The following KLHL1 variants were observed in gnomAD, a reference collection of about 807,000 sequenced individuals.
The protein encoded by KLHL1 is kelch like family member 1, also known as kelch-like protein 1.
In KLHL1, 47 loss-of-function variants were observed where a neutral mutation model predicts 77.7. The ratio of observed to expected loss-of-function variants is 0.60; its 90% confidence interval spans 0.48 to 0.77. KLHL1 has a LOEUF of 0.77. Ranked by LOEUF, KLHL1 falls within the 30% of genes least tolerant of loss-of-function variation. KLHL1 has a pLI of 0.00. For synonymous variants in KLHL1, 360 were observed against 325.2 expected, an observed-to-expected ratio of 1.11 and a Z score of -1.15; for missense variants, 925 against 910.8, an observed-to-expected ratio of 1.02 and a Z score of -0.20.
intron 1 of KLHL1, among the ~76,000 whole-genome samples, chr13:70,086,583 AAAAAAAAAAAGAAAGAAAG>A: frequency 1.3e-5 from 1 of 74,524 alleles, no homozygotes; most frequent in Middle Eastern, 4.9e-3. Flanking sequence ...AAAAAAAAAA[AAAAAAAAAAAGAAAGAAAG>A]AAAGAAAGAA....
intron 7 of KLHL1, among the ~76,000 whole-genome samples, chr13:69,789,043 CTATCTATCTATCTATCTAT>C (rs1445945545): frequency 4.2e-5 from 3 of 71,042 alleles, no homozygotes; most frequent in African/African-American, 1.7e-4. Context: ...ATCTATCTAT[CTATCTATCTATCTATCTAT>C]CTACTTATTT....
intron 1 of KLHL1, among the ~76,000 whole-genome samples, chr13:70,039,383 C>T (rs548963718): frequency 6.6e-6 from 1 of 152,054 alleles, no homozygotes; most frequent in East Asian, 1.9e-4. Context: ...CAGACCTGGC[C>T]TCTTTTATCA....
chr13:69,828,380 T>C (rs896804816), intron 6 of KLHL1, among the ~76,000 whole-genome samples: 1 of 150,208 alleles, frequency 6.7e-6, no homozygotes, highest in South Asian at 2.1e-4. Context: ...ATGAGCCCTG[T>C]AGGCACTCTC....
At chr13:70,007,391 C>T (rs902045171) in intron 1 of KLHL1, among the ~76,000 whole-genome samples, 6 of 151,378 alleles carry the variant, frequency 4.0e-5, no homozygotes, top group African/African-American at 1.5e-4. Context: ...TATTGATACA[C>T]ATTATTATGT....
rs76765980 is a variant in KLHL1, at chr13:70,004,035, C to T, written c.498-28233G>A. 3.3e-3 allele frequency among the ~76,000 whole-genome samples: 499 copies of T among 151,880 alleles called. 3 individuals carry two copies. Among genetic ancestry groups the T allele is most frequent in the African/African-American group, 0.011 (473 of 41,494 alleles). On this transcript the variant is annotated intron_variant, in intron 1 of 10. Transcript: ENST00000377844. Reference sequence around the variant, plus strand: ...TAAATCATACACAATACCTCTTAGACATGGTTACTAGTTTATTCATACTGG... The same window carrying T: ...TAAATCATACACAATACCTCTTAGATATGGTTACTAGTTTATTCATACTGG...
At chr13:69,810,342 C>A (rs1877816293) in intron 6 of KLHL1, among the ~76,000 whole-genome samples, 1 of 152,010 alleles carries the variant, frequency 6.6e-6, no homozygotes, top group Non-Finnish European at 1.5e-5. Flanking sequence ...TGAAGCATCT[C>A]CTTGGATCAC....
chr13:69,764,442 G>T (rs1875171660), intron 7 of KLHL1, among the ~76,000 whole-genome samples: 1 of 151,950 alleles, frequency 6.6e-6, no homozygotes, highest in African/African-American at 2.4e-5. Flanking sequence ...AACTCTTAAG[G>T]TTTTTGTCTT....
intron 5 of KLHL1, among the ~76,000 whole-genome samples, chr13:69,846,860 C>T (rs1400111469): frequency 5.4e-5 from 1 of 18,420 alleles, no homozygotes; most frequent in Non-Finnish European, 2.1e-4. Flanking sequence ...TGTAATAATA[C>T]ATAAATTATG....
At chr13:69,766,353 A>G (rs751721586) in intron 7 of KLHL1, among the ~76,000 whole-genome samples, 4 of 152,152 alleles carry the variant, frequency 2.6e-5, no homozygotes, top group Middle Eastern at 6.8e-3. Context: ...GTATTTGTCT[A>G]AAGAAAGTAG....
Position 69,867,017 on chromosome 13 carries a change from T to C in KLHL1, c.1227+15266A>G, listed in dbSNP as rs140961503. On this transcript the variant is annotated intron_variant, in intron 5 of 10. Transcript: ENST00000377844. ...ATATTGGACAATATTAACTCTAGGC[T>C]ACTTCAAGTGCCAAAAGAACAGCAA... Among the ~76,000 whole-genome samples the C allele has an allele frequency of 1.8e-3, 269 of 152,238 alleles. 2 individuals are homozygous for C. Among genetic ancestry groups the C allele is most frequent in the African/African-American group, 5.7e-3 (237 of 41,572 alleles).
intron 5 of KLHL1, among the ~76,000 whole-genome samples, chr13:69,873,710 A>C (rs1880666388): frequency 6.6e-6 from 1 of 152,168 alleles, no homozygotes; most frequent in Non-Finnish European, 1.5e-5. Context: ...ATGTATACCT[A>C]TGTAACAAAC....
intron 5 of KLHL1, among the ~76,000 whole-genome samples, chr13:69,870,103 G>C (rs1300950221): frequency 6.6e-6 from 1 of 152,148 alleles, no homozygotes; most frequent in East Asian, 1.9e-4. Context: ...ACCTGAGACT[G>C]TGTAATTTAT....
chr13:70,018,155 C>A (rs1247799496), intron 1 of KLHL1, among the ~76,000 whole-genome samples: 3 of 152,062 alleles, frequency 2.0e-5, no homozygotes, highest in South Asian at 2.1e-4. Flanking sequence ...TAAATAACAA[C>A]AAATCCTAAT....
At chr13:69,905,899 A>C (rs181332244) in intron 4 of KLHL1, among the ~76,000 whole-genome samples, 153 of 152,170 alleles carry the variant, frequency 1.0e-3, no homozygotes, top group African/African-American at 3.4e-3. Context: ...AATAAGTCAA[A>C]GTTTCGAAAA....
At position 70,061,857 on chromosome 13, in the gene KLHL1, G is replaced by A. The variant is rs772662903; in HGVS notation, c.497+45346C>T. Among the ~76,000 whole-genome samples, 134 of 152,190 alleles carry A rather than the reference G, an allele frequency of 8.8e-4. 1 individual carries two copies. Among genetic ancestry groups the A allele is most frequent in the Non-Finnish European group, 1.2e-3 (80 of 68,006 alleles). On this transcript the variant is annotated intron_variant, in intron 1 of 10. Transcript: ENST00000377844. ...ACATATTTATTGGCTAGAGAGTGAT[G>A]TTTTGATATACGTATACAACATGTA...
At position 69,895,503 on chromosome 13, in the gene KLHL1, G is replaced by C. The variant is rs112675958; in HGVS notation, c.1015-13008C>G. Among the ~76,000 whole-genome samples, 79 of 152,172 alleles carry C rather than the reference G, an allele frequency of 5.2e-4. 1 individual carries two copies. The highest frequency in any genetic ancestry group is 1.8e-3 in the African/African-American group (74 of 41,508). On this transcript the variant is annotated intron_variant, in intron 4 of 10. Coordinates refer to ENST00000377844, the MANE Select transcript of KLHL1 (RefSeq NM_020866.3). ...TATAAACGGGTTGATTTGTATATTA[G>C]TTTCCTATTGCTGCTGTAACAAATC...
intron 5 of KLHL1, among the ~76,000 whole-genome samples, chr13:69,846,737 A>G (rs1879476008): frequency 7.3e-6 from 1 of 137,420 alleles, no homozygotes; most frequent in Non-Finnish European, 1.6e-5. Context: ...CCACATGATC[A>G]AAATAGTCAC....
rs533594880 is a variant in KLHL1, at chr13:69,837,604, A to ATCTC, written c.1414+1368_1414+1371dup. Among the ~76,000 whole-genome samples, 77 of 138,500 alleles carry ATCTC rather than the reference A, an allele frequency of 5.6e-4. 1 individual carries two copies. Among genetic ancestry groups the ATCTC allele is most frequent in the African/African-American group, 2.0e-3 (71 of 35,854 alleles). The allele number at this position is 138,500 out of a possible 152,430, so 90.9% of individuals were successfully genotyped here. A position where few individuals can be genotyped will look rare whatever the true frequency, so the allele number is the denominator to read the frequency against. On this transcript the variant is annotated intron_variant, in intron 6 of 10. Coordinates refer to ENST00000377844, the MANE Select transcript of KLHL1 (RefSeq NM_020866.3). ...AGTTATACTATATATATACACATAC[A>ATCTC]TCTCTCTCTCTATATATATGTGTGT...
chr13:69,771,132 A>C (rs947379927), intron 7 of KLHL1, among the ~76,000 whole-genome samples: 4 of 152,142 alleles, frequency 2.6e-5, no homozygotes, highest in South Asian at 2.1e-4. Flanking sequence ...TAAGTCTTCA[A>C]ATCAAGACTT....
Sources: gnomAD v4.1 joint callset for allele counts (sites outside exome capture counted in the v4.1 genomes callset) on GRCh38, gnomAD v4.1.1 for gene constraint, MANE v1.5 for transcripts, NCBI Gene and HGNC (gene_info 2026-07-23, HGNC 2026-07-21) for gene names.